Variants in FAR2 observed in about 807,000 individuals in gnomAD.
FAR2 encodes the protein fatty acyl-CoA reductase 2.
A neutral mutation model predicts 56.0 loss-of-function variants in FAR2; 19 were observed. The observed-to-expected ratio is 0.34, with a 90% CI of 0.24 to 0.50. FAR2 has a LOEUF of 0.50. Ranked by LOEUF, FAR2 falls within the 20% of genes least tolerant of loss-of-function variation. FAR2 has a pLI of 0.98. For synonymous variants in FAR2, 219 were observed against 218.8 expected (o/e 1.00, Z -0.01); for missense variants, 508 against 642.2 (o/e 0.79, Z 2.26).
At chr12:29,253,225 C>CTA (rs1276187294) in intron 1 of FAR2, among the ~76,000 whole-genome samples, 12 of 104,144 alleles carry the variant, frequency 1.2e-4, no homozygotes, top group South Asian at 6.0e-4. Context: ...ATATCGATAT[C>CTA]TATCTAGATA....
chr12:29,186,525 G>T (rs1950041761), intron 1 of FAR2, among the ~76,000 whole-genome samples: 1 of 152,120 alleles, frequency 6.6e-6, no homozygotes, highest in South Asian at 2.1e-4. Flanking sequence ...TGTGTTCTCT[G>T]ATCTTTAAGG....
At position 29,268,705 on chromosome 12, in the gene FAR2, T is replaced by C. The variant is rs570883141; in HGVS notation, c.-38-1707T>C. 2.0e-5 allele frequency among the ~76,000 whole-genome samples: 3 copies of C among 152,302 alleles called. No individual in the cohort carries two copies. The South Asian group carries it at 6.2e-4, about 32-fold the overall frequency. Reference sequence around the variant, plus strand: ...AGATTAACAAAACTATATTATTTATTGGGGAACCTGCCCCGTAGGTTCTTT... The same window carrying C: ...AGATTAACAAAACTATATTATTTATCGGGGAACCTGCCCCGTAGGTTCTTT... On this transcript the variant is annotated intron_variant, in intron 1 of 11. Coordinates refer to ENST00000536681, the MANE Select transcript of FAR2 (RefSeq NM_001271783.2).
At chr12:29,285,912 T>G (rs1200848164) in intron 2 of FAR2, among the ~76,000 whole-genome samples, 1 of 151,962 alleles carries the variant, frequency 6.6e-6, no homozygotes, top group Non-Finnish European at 1.5e-5. Context: ...AGCTTCAGTC[T>G]TAAAAAAAGC....
rs1489649498 is a variant in FAR2 at position 29,333,546 on chromosome 12, T to C, written c.1386-86T>C. On this transcript the variant is annotated intron_variant, in intron 11 of 11. Transcript: ENST00000536681. Reference sequence around the variant, plus strand: ...GCACTTCATAAATACTTGCCAGTCATATCCAGGAAAACACATATTTATCTT... The same window carrying C: ...GCACTTCATAAATACTTGCCAGTCACATCCAGGAAAACACATATTTATCTT... The C allele has an allele frequency of 4.0e-6, 5 of 1,263,408 alleles. No homozygotes were observed. In the African/African-American group the frequency reaches 7.4e-5, roughly 19 times the overall value. The allele number at this position is 1,263,408 out of a possible 1,614,324, so 78.3% of individuals were successfully genotyped here. A position where few individuals can be genotyped will look rare whatever the true frequency, so the allele number is the denominator to read the frequency against.
chr12:29,243,157 A>G (rs765379889), intron 1 of FAR2, among the ~76,000 whole-genome samples: 7 of 152,162 alleles, frequency 4.6e-5, no homozygotes, highest in Non-Finnish European at 1.0e-4. Flanking sequence ...ACCCTGCGTG[A>G]TTGGTTAGGG....
In FAR2 at chr12:29,283,811, T is replaced by A. The variant is rs1006781503; in HGVS notation, c.190-9489T>A. On this transcript the variant is annotated intron_variant, in intron 2 of 11. Coordinates refer to ENST00000536681, the MANE Select transcript of FAR2 (RefSeq NM_001271783.2). ...TATGGAAAATATGCTCATGTAATTA[T>A]GAACCAATCAGCTTTTCATTGTGTC... Among the ~76,000 whole-genome samples, 8 of 152,344 alleles carry A rather than the reference T, an allele frequency of 5.3e-5. No homozygotes were observed. The East Asian group carries it at 1.3e-3, about 26-fold the overall frequency.
chr12:29,302,306 C>T (rs1435004611), intron 4 of FAR2, among the ~76,000 whole-genome samples: 1 of 149,876 alleles, frequency 6.7e-6, no homozygotes, highest in Non-Finnish European at 1.5e-5. Context: ...GAGCTCGTAT[C>T]CAAGACAAAT....
At chr12:29,191,913 A>T (rs1218730777) in intron 1 of FAR2, among the ~76,000 whole-genome samples, 1 of 152,238 alleles carries the variant, frequency 6.6e-6, no homozygotes, top group South Asian at 2.1e-4. Context: ...TCTTGTAACA[A>T]TGCTTTTCAA....
intron 5 of FAR2, among the ~76,000 whole-genome samples, chr12:29,308,713 C>CATATATATATATATATATAT (rs1405698626): frequency 8.1e-6 from 1 of 123,946 alleles, no homozygotes; most frequent in African/African-American, 3.4e-5. Flanking sequence ...CACACACACA[C>CATATATATATATATATATAT]ACACACATAT....
intron 1 of FAR2, among the ~76,000 whole-genome samples, chr12:29,160,477 C>T (rs1222418052): frequency 2.0e-5 from 3 of 152,078 alleles, no homozygotes; most frequent in Admixed American, 1.3e-4. Flanking sequence ...TATATGGCTG[C>T]GTATCAAAAG....
At chr12:29,241,038 T>G (rs930951576) in intron 1 of FAR2, among the ~76,000 whole-genome samples, 1 of 152,146 alleles carries the variant, frequency 6.6e-6, no homozygotes, top group African/African-American at 2.4e-5. Context: ...ACTTCTGACC[T>G]CAAGTGATCC....
At position 29,153,849 on chromosome 12, in the gene FAR2, A is replaced by T. The variant is rs1387513182; in HGVS notation, c.-39+4442A>T. ...GAGTGGGAATGAATTCATTTAATAG[A>T]TACTGCTAAATGCTTATAATCCAAA... is the stretch of plus-strand genomic sequence containing the variant. On this transcript the variant is annotated intron_variant, in intron 1 of 11. Transcript: ENST00000536681. Among the ~76,000 whole-genome samples the T allele has an allele frequency of 2.0e-5, 3 of 152,278 alleles. No individual in the cohort carries two copies. In the East Asian group the frequency reaches 5.8e-4, roughly 29 times the overall value.
chr12:29,282,347 G>A (rs1331566547), intron 2 of FAR2: 1 of 152,162 alleles, frequency 6.6e-6, no homozygotes, highest in African/African-American at 2.4e-5. Context: ...GTTTCTTCTG[G>A]TAGGCATCAG....
intron 10 of FAR2, among the ~76,000 whole-genome samples, chr12:29,323,873 G>A (rs10843386): frequency 0.016 from 2,455 of 152,286 alleles, 67 homozygotes; most frequent in African/African-American, 0.05. Context: ...GCTCCTCACC[G>A]GCAACGGAAC....
At chr12:29,194,135 C>G (rs1950125060) in intron 1 of FAR2, among the ~76,000 whole-genome samples, 2 of 152,100 alleles carry the variant, frequency 1.3e-5, no homozygotes, top group South Asian at 2.1e-4. Context: ...ACTGTTCCTT[C>G]AAATGGAGTA....
chr12:29,333,569 C>T (rs1949760636), intron 11 of FAR2, 63 bp from the exon 12 acceptor site: 2 of 1,422,140 alleles, frequency 1.4e-6, no homozygotes, highest in African/African-American at 1.4e-5. Context: ...ACATATTTAT[C>T]TTCAGATAAT....
chr12:29,157,239 A>C (rs754357380), intron 1 of FAR2, among the ~76,000 whole-genome samples: 1 of 151,282 alleles, frequency 6.6e-6, no homozygotes, highest in Non-Finnish European at 1.5e-5. Context: ...TAATTGCCAG[A>C]CACTAAGAAT....
At chr12:29,254,768 ATGG>A (rs1948288840) in intron 1 of FAR2, among the ~76,000 whole-genome samples, 1 of 152,118 alleles carries the variant, frequency 6.6e-6, no homozygotes, top group Non-Finnish European at 1.5e-5. Flanking sequence ...CGTGGCCAAC[ATGG>A]TGAAACCCCA....
At chr12:29,249,447 A>G (rs1273427281) in intron 1 of FAR2, among the ~76,000 whole-genome samples, 6 of 152,228 alleles carry the variant, frequency 3.9e-5, no homozygotes, top group Non-Finnish European at 5.9e-5. Flanking sequence ...TCAACTTTTA[A>G]CATCAGGAAG....
Sources: allele counts gnomAD v4.1 joint callset (sites outside exome capture counted in the v4.1 genomes callset), GRCh38; gene constraint gnomAD v4.1.1; transcripts MANE v1.5; gene names NCBI Gene and HGNC (gene_info 2026-07-23, HGNC 2026-07-21).